PTPRD: variants seen among roughly 807,000 people sequenced by gnomAD.
PTPRD encodes protein tyrosine phosphatase receptor type D, also known as receptor-type tyrosine-protein phosphatase delta.
Under a neutral mutation model 214.5 loss-of-function variants are expected in PTPRD, and 34 were observed. The observed-to-expected ratio is 0.16, with a 90% CI of 0.12 to 0.21. The LOEUF (loss-of-function observed/expected upper bound fraction) is 0.21. Ranked by LOEUF, PTPRD falls within the 10% of genes least tolerant of loss-of-function variation. The probability of loss-of-function intolerance (pLI) is 1.00; values close to 1 mark genes in which losing one functional copy is unlikely to be tolerated. For synonymous variants in PTPRD, 1,128 were observed against 845.7 expected (o/e 1.33, Z -5.79); for missense variants, 2,545 against 2,398.7 (o/e 1.06, Z -1.27).
At chr9:9,207,803 T>A (rs543486268) in intron 9 of PTPRD, among the ~76,000 whole-genome samples, 1 of 152,024 alleles carries the variant, frequency 6.6e-6, no homozygotes, top group African/African-American at 2.4e-5. Flanking sequence ...TTGAAACAAC[T>A]CAAATTTCCA....
At position 8,397,634 on chromosome 9, in the gene PTPRD, A is replaced by G. The variant is rs568486599; in HGVS notation, c.4210+6903T>C. Among the ~76,000 whole-genome samples the G allele has an allele frequency of 6.6e-5, 10 of 152,294 alleles. No homozygotes were observed. In the South Asian group the frequency reaches 2.1e-3, roughly 32 times the overall value. Reference sequence around the variant, plus strand: ...GAATTGCTATAGACTTACCCACAGAACACTCTGCAGAAGAGAGGCTAAGAC... The same window carrying G: ...GAATTGCTATAGACTTACCCACAGAGCACTCTGCAGAAGAGAGGCTAAGAC... On this transcript the variant is annotated intron_variant, in intron 36 of 45. Coordinates refer to ENST00000381196, the MANE Select transcript of PTPRD (RefSeq NM_002839.4).
chr9:9,924,724 C>T (rs7849581), intron 5 of PTPRD, among the ~76,000 whole-genome samples: 29,042 of 151,982 alleles, frequency 0.19, 6,298 homozygotes, highest in African/African-American at 0.5. Flanking sequence ...TATTGTCCTT[C>T]GTATCTCTAA....
chr9:8,914,791 C>A (rs960133103), intron 11 of PTPRD, among the ~76,000 whole-genome samples: 1 of 152,070 alleles, frequency 6.6e-6, no homozygotes, highest in Non-Finnish European at 1.5e-5. Context: ...AGGAGAGACA[C>A]CATTTAGAAT....
intron 11 of PTPRD, among the ~76,000 whole-genome samples, chr9:8,854,122 G>A (rs903840884): frequency 5.3e-5 from 8 of 150,838 alleles, no homozygotes; most frequent in Non-Finnish European, 7.4e-5. Context: ...TACATAAAAC[G>A]TAAAGTTTAT....
At chr9:9,581,802 G>A (rs574709624) in intron 7 of PTPRD, among the ~76,000 whole-genome samples, 13 of 152,130 alleles carry the variant, frequency 8.5e-5, no homozygotes, top group African/African-American at 2.6e-4. Flanking sequence ...AATAATGTAT[G>A]TAAATCTATT....
rs373388934 is a variant in PTPRD, at chr9:8,581,576, A to G, written c.352+51741T>C. 5.3e-5 allele frequency among the ~76,000 whole-genome samples: 8 copies of G among 152,004 alleles called. No homozygotes were observed. In the East Asian group the frequency reaches 1.2e-3, roughly 22 times the overall value. Reference sequence around the variant, plus strand: ...ATTCTGGCTAACACAGTGAAACCCCATCTCTACTAAAAATACAAAAAATTA... The same window carrying G: ...ATTCTGGCTAACACAGTGAAACCCCGTCTCTACTAAAAATACAAAAAATTA... On this transcript the variant is annotated intron_variant, in intron 14 of 45. Coordinates refer to ENST00000381196, the MANE Select transcript of PTPRD (RefSeq NM_002839.4).
chr9:9,900,010 G>A (rs1209498996), intron 5 of PTPRD, among the ~76,000 whole-genome samples: 1 of 152,060 alleles, frequency 6.6e-6, no homozygotes, highest in African/African-American at 2.4e-5. Context: ...ATAGTTACCA[G>A]AGGCTGGGGG....
intron 8 of PTPRD, among the ~76,000 whole-genome samples, chr9:9,534,959 G>C (rs1407906698): frequency 6.6e-6 from 1 of 152,040 alleles, no homozygotes; most frequent in South Asian, 2.1e-4. Flanking sequence ...CAACTGTAAA[G>C]ATGAGGAACA....
At chr9:9,696,620 T>C (rs1380245099) in intron 7 of PTPRD, among the ~76,000 whole-genome samples, 1 of 152,172 alleles carries the variant, frequency 6.6e-6, no homozygotes, top group Non-Finnish European at 1.5e-5. Context: ...TAAATATAGC[T>C]ACTCTTGCTT....
chr9:8,673,883 T>C (rs2097342884), intron 12 of PTPRD, among the ~76,000 whole-genome samples: 2 of 152,188 alleles, frequency 1.3e-5, no homozygotes, highest in South Asian at 4.1e-4. Flanking sequence ...TGCAGGATGT[T>C]CAGCAGCACC....
intron 36 of PTPRD, among the ~76,000 whole-genome samples, chr9:8,393,684 G>T (rs2090298244): frequency 6.6e-6 from 1 of 151,968 alleles, no homozygotes; most frequent in African/African-American, 2.4e-5. Flanking sequence ...CTCATGCATT[G>T]TTTCATGTGC....
At chr9:9,254,431 C>T (rs920493895) in intron 9 of PTPRD, among the ~76,000 whole-genome samples, 1 of 151,856 alleles carries the variant, frequency 6.6e-6, no homozygotes, top group Non-Finnish European at 1.5e-5. Flanking sequence ...TTTTCGTTAG[C>T]TTTTTTGGTT....
chr9:10,332,860 T>G (rs1474260643), intron 3 of PTPRD, among the ~76,000 whole-genome samples: 1 of 151,822 alleles, frequency 6.6e-6, no homozygotes, highest in Non-Finnish European at 1.5e-5. Flanking sequence ...AGCACCTGAT[T>G]AAAAGATGCA....
intron 14 of PTPRD, among the ~76,000 whole-genome samples, chr9:8,572,754 A>C (rs1256645670): frequency 6.6e-6 from 1 of 152,048 alleles, no homozygotes; most frequent in Non-Finnish European, 1.5e-5. Context: ...AAAACAACGT[A>C]GCACATTTCC....
At chr9:10,171,978 C>T (rs2099210801) in intron 3 of PTPRD, among the ~76,000 whole-genome samples, 1 of 152,108 alleles carries the variant, frequency 6.6e-6, no homozygotes, top group South Asian at 2.1e-4. Flanking sequence ...GTCAATATTT[C>T]AAGGAGCCAA....
intron 9 of PTPRD, among the ~76,000 whole-genome samples, chr9:9,190,526 C>G (rs2099934485): frequency 6.6e-6 from 1 of 152,018 alleles, no homozygotes; most frequent in Non-Finnish European, 1.5e-5. Flanking sequence ...TCAGGTATGT[C>G]TTTATCAGCA....
intron 10 of PTPRD, among the ~76,000 whole-genome samples, chr9:9,086,399 G>T (rs895711080): frequency 1.3e-5 from 2 of 152,158 alleles, no homozygotes; most frequent in African/African-American, 4.8e-5. Flanking sequence ...GGGAAATGAA[G>T]AGAAAAGCTG....
intron 8 of PTPRD, among the ~76,000 whole-genome samples, chr9:9,457,351 T>C (rs111429277): frequency 3.2e-4 from 49 of 152,166 alleles, no homozygotes; most frequent in South Asian, 6.2e-4. Context: ...ACCAGATTTA[T>C]CAAAGTCCTC....
Position 8,829,428 on chromosome 9 carries a change from C to G in PTPRD, c.-103-95482G>C, listed in dbSNP as rs148899028. Among the ~76,000 whole-genome samples the G allele has an allele frequency of 1.8e-3, 275 of 152,290 alleles. 1 individual carries two copies. The highest frequency in any genetic ancestry group is 2.7e-3 in the Non-Finnish European group (183 of 68,024). ...GGCTTCTTTCACACAATATACTGTT[C>G]TCGAGATTTATCATTTTGTGCATAC... is the stretch of plus-strand genomic sequence containing the variant. On this transcript the variant is annotated intron_variant, in intron 11 of 45. Coordinates refer to ENST00000381196, the MANE Select transcript of PTPRD (RefSeq NM_002839.4).
Sources: allele counts gnomAD v4.1 joint callset (sites outside exome capture counted in the v4.1 genomes callset), GRCh38; gene constraint gnomAD v4.1.1; transcripts MANE v1.5; gene names NCBI Gene and HGNC (gene_info 2026-07-23, HGNC 2026-07-21).